BAZ2A: variants seen among roughly 807,000 people sequenced by gnomAD.
BAZ2A encodes the protein bromodomain adjacent to zinc finger domain 2A.
In BAZ2A, 34 loss-of-function variants were observed where a neutral mutation model predicts 199.9. The observed-to-expected ratio is 0.17, with a 90% CI of 0.13 to 0.23. The LOEUF is 0.23. Among genes scored for constraint, BAZ2A ranks in the 10% least tolerant of loss-of-function variants. The probability of loss-of-function intolerance (pLI) is 1.00; values close to 1 mark genes in which losing one functional copy is unlikely to be tolerated. For synonymous variants in BAZ2A, 857 were observed against 883.9 expected (o/e 0.97, Z 0.54); for missense variants, 2,002 against 2,391.1 (o/e 0.84, Z 3.39).
At chr12:56,611,340 G>T in intron 7 of BAZ2A, 1 of 575,480 alleles carries the variant, frequency 1.7e-6, no homozygotes, top group Non-Finnish European at 3.0e-6. Flanking sequence ...GGGCAAAATT[G>T]AGTCACTACA....
At chr12:56,618,364 T>C (rs775096730) in intron 1 of BAZ2A, among the ~76,000 whole-genome samples, 1 of 152,090 alleles carries the variant, frequency 6.6e-6, no homozygotes, top group Non-Finnish European at 1.5e-5. Flanking sequence ...CAATGGCTCA[T>C]TGAGGTATGG....
intron 1 of BAZ2A, among the ~76,000 whole-genome samples, chr12:56,620,500 C>T (rs955146303): frequency 1.3e-5 from 2 of 150,226 alleles, no homozygotes; most frequent in African/African-American, 4.9e-5. Context: ...AACCCTGTCT[C>T]AAAAAAACAA....
rs548020986 is a variant in BAZ2A, at chr12:56,635,555, C to T, written c.4+627G>A. Reference sequence around the variant, plus strand: ...TATCCTCTCAACCTCAATCCTGCGTCCCACTCAGTGCCCTCAGTGACTGTA... The same window carrying T: ...TATCCTCTCAACCTCAATCCTGCGTTCCACTCAGTGCCCTCAGTGACTGTA... On this transcript the variant is annotated intron_variant, in intron 1 of 29. Transcript: ENST00000379441. The surrounding 1 kb of genome is among the most constrained non-coding windows in gnomAD (Gnocchi z 4.1). Among the ~76,000 whole-genome samples, 46 of 152,300 alleles carry T rather than the reference C, an allele frequency of 3.0e-4. 1 individual carries two copies. In the East Asian group the frequency reaches 7.7e-3, roughly 26 times the overall value.
intron 15 of BAZ2A, 66 bp downstream of exon 15, chr12:56,604,519 C>A: frequency 1.3e-6 from 2 of 1,484,466 alleles, no homozygotes; most frequent in African/African-American, 1.4e-5. Flanking sequence ...TTCTGGAAGG[C>A]TACAAGTCCT....
chr12:56,628,042 T>C (rs1951163960), intron 1 of BAZ2A, among the ~76,000 whole-genome samples: 2 of 150,182 alleles, frequency 1.3e-5, no homozygotes, highest in African/African-American at 2.4e-5. Context: ...ATTAGCTGGA[T>C]GCGGTGGCGG....
chr12:56,606,756 G>A, intron 10 of BAZ2A, 23 bp from the exon 11 acceptor site: 1 of 1,599,126 alleles, frequency 6.3e-7, no homozygotes, highest in Non-Finnish European at 8.6e-7. Context: ...AAAGAAAAAT[G>A]AAACAAGTGA....
chr12:56,608,030 C>T lies in BAZ2A; in HGVS notation c.2093-1297G>A, dbSNP rs541857206. On this transcript the variant is annotated intron_variant, in intron 10 of 28. Transcript: ENST00000549884. ...GGGAGGTTGCGGTGAGCCAAGATCG[C>T]GCCATTGCACTCCAGCCTGGGCAAC... is the stretch of plus-strand genomic sequence containing the variant. 8.7e-5 allele frequency among the ~76,000 whole-genome samples: 13 copies of T among 149,208 alleles called. No individual in the cohort carries two copies. The East Asian group carries it at 9.8e-4, about 11-fold the overall frequency.
intron 1 of BAZ2A, 123 bp downstream of exon 1, chr12:56,630,002 T>A: frequency 1.4e-6 from 1 of 717,670 alleles, no homozygotes. Flanking sequence ...GGAAATAAGC[T>A]CCCGTCGGCT....
At chr12:56,606,481 A>C (rs1038957999) in intron 11 of BAZ2A, 152 bp downstream of exon 11, 2 of 1,193,174 alleles carry the variant, frequency 1.7e-6, no homozygotes, top group South Asian at 2.6e-5. Context: ...ATTTTTGAAC[A>C]AACCCAATTC....
chr12:56,628,177 C>CAAAAAAAAAAAAAAAAAAA (rs57372528), intron 1 of BAZ2A, among the ~76,000 whole-genome samples: 1 of 28,390 alleles, frequency 3.5e-5, no homozygotes, highest in Non-Finnish European at 6.9e-5. Flanking sequence ...AACTCCGTCT[C>CAAAAAAAAAAAAAAAAAAA]AAAAAAAAAA....
intron 2 of BAZ2A, 86 bp downstream of exon 2, chr12:56,617,309 A>G (rs756588782): frequency 6.9e-6 from 9 of 1,312,480 alleles, no homozygotes; most frequent in Non-Finnish European, 8.9e-6. Context: ...CTCCAGCAGC[A>G]AAGTAGAGCA....
chr12:56,614,804 G>GC, intron 3 of BAZ2A: 1 of 615,276 alleles, frequency 1.6e-6, no homozygotes, highest in South Asian at 1.9e-5. Flanking sequence ...CTCTGCATGA[G>GC]CTTGAAATAA....
Position 56,601,368 on chromosome 12 carries a change from G to A in BAZ2A, c.4106C>T (p.Pro1369Leu). 1 of 1,613,884 alleles carries A rather than the reference G, an allele frequency of 6.2e-7. No individual in the cohort carries two copies. Among genetic ancestry groups the A allele is most frequent in the East Asian group, 2.2e-5 (1 of 44,884 alleles). ...CAAGGGCGTGGAAGAGAACTGCACT[G>A]GAGAACAAGGGTTGGCAGCACTAGG... is the stretch of plus-strand genomic sequence containing the variant. ...NRPSAANPCS[P>L]VQFSSTPLAG... is the part of the protein sequence containing the mutation. The change falls in exon 21 of 29, where the codon CCA (proline) becomes CTA (leucine). Residue 1369 changes from proline to leucine, a missense_variant. Transcript: ENST00000549884.
chr12:56,600,137 C>T, intron 24 of BAZ2A, 41 bp from the exon 25 acceptor site: 10 of 1,612,644 alleles, frequency 6.2e-6, no homozygotes, highest in Non-Finnish European at 8.5e-6. Context: ...AGGAGCGGAT[C>T]CACTAAAGAG....
Position 56,598,803 on chromosome 12 carries a change from A to T in BAZ2A, c.5547-20T>A. 6.2e-7 allele frequency: 1 copy of T among 1,610,502 alleles called. No homozygotes were observed. On this transcript the variant is annotated intron_variant, in intron 28 of 28. Transcript: ENST00000549884. ...GTGTACCTGGACAGGGCAGGGGCAA[A>T]ACTGTGAGCTGGGTAGGAGTTGCAG...
chr12:56,631,152 T>A (rs1372848490), upstream of BAZ2A, among the ~76,000 whole-genome samples: 2 of 152,066 alleles, frequency 1.3e-5, no homozygotes, highest in African/African-American at 2.4e-5. Context: ...ATGTTAGAGC[T>A]TAGAGAATTT....
At chr12:56,606,348 T>C in intron 11 of BAZ2A, 36 bp from the exon 12 acceptor site, 1 of 1,609,850 alleles carries the variant, frequency 6.2e-7, no homozygotes, top group Non-Finnish European at 8.5e-7. Flanking sequence ...CTCCTCAAAC[T>C]CTGAAAGCAT....
At position 56,598,735 on chromosome 12, in the gene BAZ2A, G is replaced by A. The variant is rs1167413274; in HGVS notation, c.5595C>T (p.Asp1865=). 3 of 1,613,282 alleles carry A rather than the reference G, an allele frequency of 1.9e-6. No homozygotes were observed. The highest frequency in any genetic ancestry group is 1.7e-6 in the Non-Finnish European group (2 of 1,179,612). The part of the protein sequence containing the change: ...EFAADALLVF[D]NCQTFNEDDS... Reference sequence around the variant, plus strand: ...CATCCTCGTTGAAAGTCTGGCAGTTGTCAAATACCAGGAGGGCATCAGCCG... The same window carrying A: ...CATCCTCGTTGAAAGTCTGGCAGTTATCAAATACCAGGAGGGCATCAGCCG... The change falls in exon 29 of 29, where the codon GAC becomes GAT. Residue 1865 remains aspartate, a synonymous_variant. Coordinates refer to ENST00000549884, the MANE Select transcript of BAZ2A (RefSeq NM_001300905.2).
At chr12:56,619,905 A>G (rs1247345955) in intron 1 of BAZ2A, among the ~76,000 whole-genome samples, 3 of 152,164 alleles carry the variant, frequency 2.0e-5, no homozygotes, top group African/African-American at 7.2e-5. Context: ...GTTGCTCAGG[A>G]GGATGAGGCA....
Sources: allele counts gnomAD v4.1 joint callset (sites outside exome capture counted in the v4.1 genomes callset), GRCh38; gene constraint gnomAD v4.1.1; non-coding constraint Gnocchi (gnomAD v3.1); transcripts MANE v1.5; gene names NCBI Gene and HGNC (gene_info 2026-07-23, HGNC 2026-07-21).